DSTN: variants seen among roughly 807,000 people sequenced by gnomAD.
DSTN encodes destrin.
DSTN carries 10 observed loss-of-function variants against 16.8 expected under a neutral mutation model. The observed-to-expected ratio is 0.60, with a 90% CI of 0.37 to 1.01. DSTN has a LOEUF of 1.01. DSTN is among the 50% of genes least tolerant of loss of function. The pLI, the probability that DSTN is intolerant of heterozygous loss-of-function variation, is 0.01. For missense variants in DSTN, 141 were observed against 196.7 expected (o/e 0.72, Z 1.69); for synonymous variants, 57 against 58.9 (o/e 0.97, Z 0.14).
chr20:17,585,576 A>G (rs1235304376), intron 1 of DSTN, among the ~76,000 whole-genome samples: 1 of 152,218 alleles, frequency 6.6e-6, no homozygotes, highest in African/African-American at 2.4e-5. Flanking sequence ...AGTATAATTT[A>G]CATAAAGTGA....
At chr20:17,575,861 A>C (rs1399050168) in intron 1 of DSTN, among the ~76,000 whole-genome samples, 2 of 152,152 alleles carry the variant, frequency 1.3e-5, no homozygotes, top group African/African-American at 4.8e-5. Context: ...CTCTTGTGGC[A>C]TAACATTTCT....
chr20:17,604,619 AAG>A lies in DSTN; in HGVS notation c.378_379del (p.Lys127IlefsTer7). ...IYASSKDAIK[K>X]KFQGIKHECQ... ...TGCAAGCTCCAAGGATGCAATTAAAAAGAAATTTCAAGGTATGTTCTAGATGA... is the reference window on the plus strand; with the variant it reads ...TGCAAGCTCCAAGGATGCAATTAAAAAAATTTCAAGGTATGTTCTAGATGA... On this transcript the variant is annotated frameshift_variant, in exon 3 of 4. Transcript: ENST00000246069. LOFTEE classifies it high-confidence loss of function. The A allele has an allele frequency of 1.2e-6, 2 of 1,613,516 alleles. No individual in the cohort carries two copies. The highest frequency in any genetic ancestry group is 1.7e-4 in the Middle Eastern group (1 of 6,054).
At chr20:17,583,306 G>C (rs1428699138) in intron 1 of DSTN, among the ~76,000 whole-genome samples, 1 of 124,300 alleles carries the variant, frequency 8.0e-6, no homozygotes, top group Non-Finnish European at 1.7e-5. Context: ...TTAAACTTGG[G>C]AGCTACCGTA....
At chr20:17,595,692 G>T (rs1336834874) in intron 1 of DSTN, among the ~76,000 whole-genome samples, 1 of 151,912 alleles carries the variant, frequency 6.6e-6, no homozygotes, top group Non-Finnish European at 1.5e-5. Flanking sequence ...TGTTTACTCT[G>T]TGACCCTGGG....
chr20:17,595,540 A>G (rs563085610), intron 1 of DSTN, among the ~76,000 whole-genome samples: 2 of 151,886 alleles, frequency 1.3e-5, no homozygotes, highest in South Asian at 4.2e-4. Flanking sequence ...AATTGCTTGA[A>G]CCCAGGAGGC....
At chr20:17,575,615 A>C (rs2035270112) in intron 1 of DSTN, among the ~76,000 whole-genome samples, 1 of 152,112 alleles carries the variant, frequency 6.6e-6, no homozygotes, top group South Asian at 2.1e-4. Context: ...ATAGGCAGGC[A>C]CAACCACTCC....
At chr20:17,581,891 T>C (rs1228793616) in intron 1 of DSTN, among the ~76,000 whole-genome samples, 2 of 152,146 alleles carry the variant, frequency 1.3e-5, no homozygotes, top group African/African-American at 4.8e-5. Context: ...AAGAAAAATT[T>C]AGCTGTAATG....
intron 2 of DSTN, among the ~76,000 whole-genome samples, chr20:17,604,225 A>C (rs1199509229): frequency 6.6e-6 from 1 of 152,214 alleles, no homozygotes; most frequent in African/African-American, 2.4e-5. Context: ...TATTCTGAAG[A>C]AAAAGAATTG....
rs781376832 is a variant in DSTN at position 17,600,840 on chromosome 20, G to A, written c.106G>A (p.Val36Ile). 1 of 1,613,852 alleles carries A rather than the reference G, an allele frequency of 6.2e-7. No homozygotes were observed. The highest frequency in any genetic ancestry group is 1.7e-5 in the Admixed American group (1 of 60,008). The change falls in exon 2 of 4, where the codon GTC becomes ATC. Residue 36 changes from valine to isoleucine, a missense_variant. By Grantham distance (29) the Val-to-Ile change is conservative (BLOSUM62 3). Transcript: ENST00000246069. Reference protein sequence around the residue: ...PEEIKKRKKAVIFCLSADKKC... With the variant: ...PEEIKKRKKAIIFCLSADKKC... ...AGAAATCAAGAAAAGAAAGAAGGCT[G>A]TCATTTTTTGTCTCAGTGCAGACAA...
At chr20:17,605,278 T>C in intron 3 of DSTN, 1 of 416,032 alleles carries the variant, frequency 2.4e-6, no homozygotes, top group African/African-American at 2.0e-5. Flanking sequence ...GCGAAGCCTG[T>C]CTAACTGCTG....
intron 1 of DSTN, among the ~76,000 whole-genome samples, chr20:17,570,577 G>T (rs916575351): frequency 9.9e-5 from 15 of 152,054 alleles, no homozygotes; most frequent in Admixed American, 8.5e-4. Context: ...CCGAGGCCGG[G>T]GAGTGGGGGG....
chr20:17,574,164 A>G (rs1161278112), intron 1 of DSTN, among the ~76,000 whole-genome samples: 2 of 152,170 alleles, frequency 1.3e-5, no homozygotes, highest in Non-Finnish European at 2.9e-5. Flanking sequence ...TGATTGTACT[A>G]CTGCACTCCA....
chr20:17,578,316 AATTATG>A (rs1214475175), intron 1 of DSTN, among the ~76,000 whole-genome samples: 1 of 152,240 alleles, frequency 6.6e-6, no homozygotes, highest in Non-Finnish European at 1.5e-5. Flanking sequence ...GGGTATTCTT[AATTATG>A]ACAAAGGACA....
intron 1 of DSTN, among the ~76,000 whole-genome samples, chr20:17,589,775 T>A (rs1251258286): frequency 6.6e-6 from 1 of 152,230 alleles, no homozygotes; most frequent in Non-Finnish European, 1.5e-5. Context: ...GTAGGTAGAT[T>A]AAGATGCTGA....
At chr20:17,597,602 T>C (rs1262609625) in intron 1 of DSTN, among the ~76,000 whole-genome samples, 1 of 152,158 alleles carries the variant, frequency 6.6e-6, no homozygotes, top group Non-Finnish European at 1.5e-5. Context: ...TTCCTCATCC[T>C]CCCCTGGCTC....
At chr20:17,572,598 C>G (rs1218734703) in intron 1 of DSTN, among the ~76,000 whole-genome samples, 1 of 152,132 alleles carries the variant, frequency 6.6e-6, no homozygotes, top group Non-Finnish European at 1.5e-5. Flanking sequence ...GGACTGTGGT[C>G]TCACAGACTG....
chr20:17,587,503 C>G (rs1178860118), intron 1 of DSTN, among the ~76,000 whole-genome samples: 3 of 152,032 alleles, frequency 2.0e-5, no homozygotes, highest in Non-Finnish European at 2.9e-5. Flanking sequence ...AATTAACACT[C>G]GGAATAGGTA....
intron 2 of DSTN, among the ~76,000 whole-genome samples, chr20:17,601,850 A>C (rs924644296): frequency 3.3e-5 from 5 of 152,162 alleles, no homozygotes; most frequent in African/African-American, 1.2e-4. Context: ...CATTTATTGA[A>C]TATTATACTG....
chr20:17,574,713 G>A (rs1346042855), intron 1 of DSTN, among the ~76,000 whole-genome samples: 8 of 111,686 alleles, frequency 7.2e-5, no homozygotes, highest in Middle Eastern at 6.7e-3. Context: ...GTGACAGAGC[G>A]AGACTCAGTC....
Sources: allele counts gnomAD v4.1 joint callset (sites outside exome capture counted in the v4.1 genomes callset), GRCh38; gene constraint gnomAD v4.1.1; transcripts MANE v1.5; gene names NCBI Gene and HGNC (gene_info 2026-07-23, HGNC 2026-07-21).